RASAL2: variants seen among roughly 807,000 people sequenced by gnomAD.
RASAL2 encodes the protein ras GTPase-activating protein nGAP.
Under a neutral mutation model 128.9 loss-of-function variants are expected in RASAL2, and 58 were observed. That is an observed-to-expected ratio of 0.45 (90% CI 0.36 to 0.56). The LOEUF is 0.56. Among genes scored for constraint, RASAL2 ranks in the 20% least tolerant of loss-of-function variants. The pLI is 0.00. For synonymous variants in RASAL2, 561 were observed against 580.8 expected (o/e 0.97, Z 0.49); for missense variants, 1,360 against 1,601.6 (o/e 0.85, Z 2.57).
At chr1:178,096,731 T>C (rs1470948098) in intron 1 of RASAL2, among the ~76,000 whole-genome samples, 1 of 152,012 alleles carries the variant, frequency 6.6e-6, no homozygotes, top group African/African-American at 2.4e-5. Flanking sequence ...TACCACTGCA[T>C]TGTAACTTTT....
intron 5 of RASAL2, among the ~76,000 whole-genome samples, chr1:178,436,689 A>G (rs188641960): frequency 6.0e-4 from 91 of 152,226 alleles, no homozygotes; most frequent in Admixed American, 1.3e-3. Flanking sequence ...ATATGAAGCA[A>G]GCTAAAGTTT....
chr1:178,109,626 T>C (rs535187887), intron 1 of RASAL2, among the ~76,000 whole-genome samples: 5 of 152,268 alleles, frequency 3.3e-5, no homozygotes, highest in South Asian at 4.1e-4. Flanking sequence ...TTCTTACAAA[T>C]AGGTTGCAGT....
intron 3 of RASAL2, among the ~76,000 whole-genome samples, chr1:178,369,253 G>C (rs759586352): frequency 2.0e-5 from 3 of 151,800 alleles, no homozygotes; most frequent in Non-Finnish European, 4.4e-5. Context: ...CAGATATGGG[G>C]TCTCTGCACC....
chr1:178,443,320 A>G, intron 8 of RASAL2, 91 bp downstream of exon 8: 1 of 1,193,280 alleles, frequency 8.4e-7, no homozygotes, highest in Non-Finnish European at 1.2e-6. Context: ...CAAATTAGAG[A>G]AATGTGCTTT....
chr1:178,215,719 T>G (rs1219692122), intron 1 of RASAL2, among the ~76,000 whole-genome samples: 1 of 152,194 alleles, frequency 6.6e-6, no homozygotes, highest in Non-Finnish European at 1.5e-5. Context: ...GAATGTTTAT[T>G]TTGTTTAAAT....
Position 178,473,460 on chromosome 1 carries a change from G to C in RASAL2, c.*221G>C. 1 of 580,056 alleles carries C rather than the reference G, an allele frequency of 1.7e-6. No homozygotes were observed. Among genetic ancestry groups the C allele is most frequent in the South Asian group, 2.3e-5 (1 of 43,438 alleles). The allele number at this position is 580,056 out of a possible 1,614,324, so 35.9% of individuals were successfully genotyped here. On this transcript the variant is annotated 3_prime_UTR_variant, in exon 18 of 18. Coordinates refer to ENST00000367649, the MANE Select transcript of RASAL2 (RefSeq NM_170692.4). The stretch of plus-strand genomic sequence containing the variant: ...CATCTCTATGTACATAGGGAACTTA[G>C]TTCTGGGCCATGTACAGAAAATATC...
chr1:178,356,393 A>G (rs1236249425), intron 3 of RASAL2, among the ~76,000 whole-genome samples: 1 of 152,128 alleles, frequency 6.6e-6, no homozygotes. Context: ...GCTTATGTAC[A>G]TGAGGATGCA....
At chr1:178,155,374 CTGTT>C (rs1052911104) in intron 1 of RASAL2, among the ~76,000 whole-genome samples, 2 of 146,712 alleles carry the variant, frequency 1.4e-5, no homozygotes, top group African/African-American at 5.0e-5. Context: ...GATAAATTTG[CTGTT>C]TATTTTAAAA....
At position 178,478,551 on chromosome 1, in the gene RASAL2, T is replaced by C. The variant is rs2102990216; in HGVS notation, c.*5312T>C. 1 of 152,358 alleles carries C rather than the reference T, an allele frequency of 6.6e-6. No individual in the cohort carries two copies. The highest frequency in any genetic ancestry group is 3.4e-3 in the Middle Eastern group (1 of 294). 9.4% of individuals were successfully genotyped at this position (152,358 alleles called of 1,614,324 possible). ...AAGAGTGTGTTAACACACGACTATT[T>C]TACAATGATAGCTCTAAATAATTTA... On this transcript the variant is annotated 3_prime_UTR_variant, in exon 18 of 18. Transcript: ENST00000367649.
chr1:178,212,868 A>G (rs560901229), intron 1 of RASAL2, among the ~76,000 whole-genome samples: 1 of 152,304 alleles, frequency 6.6e-6, no homozygotes, highest in South Asian at 2.1e-4. Context: ...ACTATATTCA[A>G]TCAATAAAGA....
intron 1 of RASAL2, among the ~76,000 whole-genome samples, chr1:178,174,731 G>GTA (rs914943562): frequency 5.9e-5 from 9 of 152,196 alleles, no homozygotes; most frequent in African/African-American, 2.2e-4. Context: ...TTTAAACAGT[G>GTA]TAGAGTGTTC....
At chr1:178,323,356 A>G (rs1668884960) in intron 3 of RASAL2, among the ~76,000 whole-genome samples, 1 of 152,202 alleles carries the variant, frequency 6.6e-6, no homozygotes, top group Non-Finnish European at 1.5e-5. Flanking sequence ...CTCTTTCTTG[A>G]CTTTCAGGTG....
Position 178,156,451 on chromosome 1 carries a change from A to G in RASAL2, c.202+61757A>G, listed in dbSNP as rs77307375. On this transcript the variant is annotated intron_variant, in intron 1 of 17. Coordinates refer to ENST00000367649, the MANE Select transcript of RASAL2 (RefSeq NM_170692.4). ...CTTATAAACAGTAAACTTTGAATAT[A>G]TGAGTCTTAATATGACACTGGTTGT... 3.5e-3 allele frequency among the ~76,000 whole-genome samples: 532 copies of G among 152,328 alleles called. 9 individuals are homozygous for G. Among genetic ancestry groups the G allele is most frequent in the African/African-American group, 0.012 (492 of 41,590 alleles).
chr1:178,374,150 G>T (rs1671869167), intron 3 of RASAL2, among the ~76,000 whole-genome samples: 1 of 152,032 alleles, frequency 6.6e-6, no homozygotes, highest in African/African-American at 2.4e-5. Context: ...CTCCATCTGT[G>T]GATAAACAGG....
chr1:178,288,056 G>GT (rs1212240305), intron 2 of RASAL2, among the ~76,000 whole-genome samples: 1 of 152,066 alleles, frequency 6.6e-6, no homozygotes, highest in Non-Finnish European at 1.5e-5. Context: ...TCACAATTCA[G>GT]TTAAGTATGT....
At chr1:178,431,930 T>G (rs932702243) in intron 5 of RASAL2, among the ~76,000 whole-genome samples, 3 of 149,302 alleles carry the variant, frequency 2.0e-5, no homozygotes, top group African/African-American at 7.3e-5. Flanking sequence ...ATATGCTATA[T>G]ATTACATACT....
chr1:178,382,417 C>A (rs1448109077), intron 3 of RASAL2, among the ~76,000 whole-genome samples: 1 of 152,112 alleles, frequency 6.6e-6, no homozygotes. Context: ...TGACTTAATT[C>A]TCTTTAAAAT....
intron 1 of RASAL2, among the ~76,000 whole-genome samples, chr1:178,230,092 A>G (rs986137090): frequency 6.6e-6 from 1 of 152,116 alleles, no homozygotes; most frequent in Non-Finnish European, 1.5e-5. Flanking sequence ...TTTTTTTGGC[A>G]TAATATCTGT....
At chr1:178,465,372 G>A (rs1262546967) in intron 15 of RASAL2, among the ~76,000 whole-genome samples, 1 of 152,132 alleles carries the variant, frequency 6.6e-6, no homozygotes, top group African/African-American at 2.4e-5. Context: ...TTATAGAAAT[G>A]TTGCTTGTTC....
Sources: gnomAD v4.1 joint callset for allele counts (sites outside exome capture counted in the v4.1 genomes callset) on GRCh38, gnomAD v4.1.1 for gene constraint, MANE v1.5 for transcripts, NCBI Gene and HGNC (gene_info 2026-07-23, HGNC 2026-07-21) for gene names.